Variants in TRIM9 observed in about 807,000 individuals in gnomAD.
TRIM9 encodes tripartite motif containing 9.
In TRIM9, 26 loss-of-function variants were observed where a neutral mutation model predicts 78.3. The ratio of observed to expected loss-of-function variants is 0.33; its 90% CI spans 0.24 to 0.46. The LOEUF (loss-of-function observed/expected upper bound fraction) is 0.46. TRIM9 is among the 20% of genes least tolerant of loss of function. The probability of loss-of-function intolerance (pLI) is 1.00; values close to 1 mark genes in which losing one functional copy is unlikely to be tolerated. For synonymous variants in TRIM9, 398 were observed against 416.5 expected (o/e 0.96, Z 0.54); for missense variants, 787 against 1,036.4 (o/e 0.76, Z 3.30).
chr14:50,977,332 G>A lies in TRIM9; in HGVS notation c.2347C>T (p.Pro783Ser), dbSNP rs753204730. Residue 783 changes from proline to serine, a missense_variant, in exon 13 of 13, where the codon CCA becomes TCA. Pro to Ser is a moderately conservative substitution (Grantham distance 74). Coordinates refer to ENST00000684578, the MANE Select transcript of TRIM9 (RefSeq NM_001387360.1). ...CTGCTGGAGTAGAAGTCGGGGACTG[G>A]GAGCCCGGTGTGCAGCGTGACCTGG... ...NVQVTLHTGL[P>S]VPDFYSSRAS... The A allele has an allele frequency of 6.4e-7, 1 of 1,552,650 alleles. No individual in the cohort carries two copies. Among genetic ancestry groups the A allele is most frequent in the South Asian group, 1.2e-5 (1 of 82,842 alleles).
At chr14:51,019,188 A>T (rs2057510462) in intron 3 of TRIM9, among the ~76,000 whole-genome samples, 1 of 152,264 alleles carries the variant, frequency 6.6e-6, no homozygotes, top group Non-Finnish European at 1.5e-5. Context: ...TGGACAGACC[A>T]AGACAAGAAA....
intron 1 of TRIM9, among the ~76,000 whole-genome samples, chr14:51,033,153 G>A (rs532457863): frequency 1.3e-5 from 2 of 152,090 alleles, no homozygotes; most frequent in Non-Finnish European, 1.5e-5. Context: ...GCAGTGGTAC[G>A]ATCTCAGCTC....
intron 1 of TRIM9, among the ~76,000 whole-genome samples, chr14:51,052,599 T>C (rs1284284164): frequency 6.6e-6 from 1 of 152,238 alleles, no homozygotes; most frequent in Non-Finnish European, 1.5e-5. Flanking sequence ...ATCTTTTCAA[T>C]GATATGAGCC....
At position 50,979,553 on chromosome 14, in the gene TRIM9, T is replaced by C. The variant is rs550320036; in HGVS notation, c.2163-4A>G. 2.1e-5 allele frequency: 34 copies of C among 1,611,796 alleles called. No individual in the cohort carries two copies. The African/African-American group carries it at 3.6e-4, about 17-fold the overall frequency. ...TTTTGTGATCCCTCCCTCAGTTCTG[T>C]AGGAAAAGAGAAAAATTGGGGTTCA... is the stretch of plus-strand genomic sequence containing the variant. On this transcript the variant is annotated splice_polypyrimidine_tract_variant and splice_region_variant and intron_variant, in intron 11 of 12. Coordinates refer to ENST00000684578, the MANE Select transcript of TRIM9 (RefSeq NM_001387360.1).
At chr14:50,979,231 G>A (rs1366698810) in intron 12 of TRIM9, 156 bp downstream of exon 12, 3 of 1,487,628 alleles carry the variant, frequency 2.0e-6, no homozygotes, top group Non-Finnish European at 2.7e-6. Context: ...AAAATAAGTT[G>A]CCAGTGCTGA....
At chr14:51,074,677 GACAAGGGTAATT>G (rs2062597666) in intron 1 of TRIM9, among the ~76,000 whole-genome samples, 1 of 152,172 alleles carries the variant, frequency 6.6e-6, no homozygotes, top group Non-Finnish European at 1.5e-5. Context: ...GTGGCCTATA[GACAAGGGTAATT>G]ACAGATCCAC....
intron 1 of TRIM9, among the ~76,000 whole-genome samples, chr14:51,073,079 T>C (rs2062439818): frequency 6.6e-6 from 1 of 152,080 alleles, no homozygotes; most frequent in Non-Finnish European, 1.5e-5. Flanking sequence ...CCAGAAAATA[T>C]AAACACATGC....
intron 5 of TRIM9, among the ~76,000 whole-genome samples, chr14:51,001,622 C>A (rs1210646932): frequency 6.6e-6 from 1 of 152,214 alleles, no homozygotes; most frequent in Non-Finnish European, 1.5e-5. Flanking sequence ...AGCTCTGAAA[C>A]CACTACATTT....
chr14:50,996,037 G>A, intron 7 of TRIM9: 1 of 944,108 alleles, frequency 1.1e-6, no homozygotes, highest in East Asian at 1.2e-4. Flanking sequence ...ATTAGAATGA[G>A]GGAGAAACAA....
chr14:51,080,436 AACACACACACACACACACACACACACAC>A (rs34062978), intron 1 of TRIM9, among the ~76,000 whole-genome samples: 1 of 143,924 alleles, frequency 6.9e-6, no homozygotes, highest in East Asian at 2.1e-4. Context: ...AGTTTTATTG[AACACACACACACACACACACACACACAC>A]ACACACACAC....
chr14:50,992,072 T>C (rs1469502795), intron 7 of TRIM9, among the ~76,000 whole-genome samples: 1 of 152,216 alleles, frequency 6.6e-6, no homozygotes, highest in Non-Finnish European at 1.5e-5. Flanking sequence ...CTTCTTTAAA[T>C]AGAGTGTTTA....
rs761319285 is a variant in TRIM9, at chr14:51,000,733, C to T, written c.1414G>A (p.Ala472Thr). 1.1e-5 allele frequency: 17 copies of T among 1,613,992 alleles called. No homozygotes were observed. Among genetic ancestry groups the T allele is most frequent in the Middle Eastern group, 1.6e-4 (1 of 6,084 alleles). Residue 472 changes from alanine (A) to threonine (T), a missense_variant, in exon 6 of 13, where the codon GCC (alanine) becomes ACC (threonine). Physicochemically the swap from Ala to Thr is moderately conservative, Grantham distance 58 (BLOSUM62 0). Coordinates refer to ENST00000684578, the MANE Select transcript of TRIM9 (RefSeq NM_001387360.1). ...TCCAGCTCCAGAATGTATCCATCGG[C>T]GGGCACCGTGGACAGAGGTGGCTGT... ...WKQPPLSTVP[A>T]DGYILELDDG...
intron 7 of TRIM9, among the ~76,000 whole-genome samples, chr14:50,988,110 T>C (rs1465097079): frequency 6.6e-6 from 1 of 152,210 alleles, no homozygotes; most frequent in Non-Finnish European, 1.5e-5. Flanking sequence ...ACTAAAAGAT[T>C]TTTTTATTAA....
chr14:50,998,732 A>G (rs2054559192), intron 6 of TRIM9, among the ~76,000 whole-genome samples: 1 of 152,246 alleles, frequency 6.6e-6, no homozygotes, highest in Non-Finnish European at 1.5e-5. Context: ...TTTTCATCAC[A>G]GTACAGAGGG....
At chr14:50,981,743 C>A in intron 11 of TRIM9, 57 bp downstream of exon 11, 1 of 1,601,462 alleles carries the variant, frequency 6.2e-7, no homozygotes, top group South Asian at 1.1e-5. Flanking sequence ...AACTGGGGCT[C>A]TCACTCCTGA....
At position 51,044,526 on chromosome 14, in the gene TRIM9, T is replaced by G. The variant is rs377300663; in HGVS notation, c.823-19166A>C. Among the ~76,000 whole-genome samples, 128 of 152,344 alleles carry G rather than the reference T, an allele frequency of 8.4e-4. 1 individual carries two copies. In the South Asian group the frequency reaches 0.023, roughly 27 times the overall value. ...GCCATTTTGCCCTTTCCCCATTTTA[T>G]TCTTTCTGCCCTCTGAGTCATGGCC... On this transcript the variant is annotated intron_variant, in intron 1 of 12. Transcript: ENST00000684578.
intron 12 of TRIM9, chr14:50,979,042 G>C: frequency 1.5e-6 from 2 of 1,303,004 alleles, no homozygotes; most frequent in Middle Eastern, 2.9e-4. Flanking sequence ...CCTGAGCTTT[G>C]TTAAGTCATT....
intron 1 of TRIM9, among the ~76,000 whole-genome samples, chr14:51,083,283 C>G (rs1220658382): frequency 1.3e-5 from 2 of 152,088 alleles, no homozygotes; most frequent in Non-Finnish European, 2.9e-5. Flanking sequence ...GACAGGGTCT[C>G]ACTTTGTCAC....
chr14:51,094,795 T>G lies in TRIM9; in HGVS notation c.145A>C (p.Ser49Arg). 6.5e-7 allele frequency: 1 copy of G among 1,535,940 alleles called. No homozygotes were observed. Among genetic ancestry groups the G allele is most frequent in the East Asian group, 2.3e-5 (1 of 44,314 alleles). ...ACCCCGGAGCCCGCGGCCCGATGGCTCTGGGGGGATTCAGACTCTGGGGTC... is the reference window on the plus strand; with the variant it reads ...ACCCCGGAGCCCGCGGCCCGATGGCGCTGGGGGGATTCAGACTCTGGGGTC... ...VQTPESESPQ[S>R]HRAAGSGVSD... Residue 49 changes from serine to arginine, a missense_variant, in exon 1 of 13, where the codon AGC (serine) becomes CGC (arginine). Physicochemically the swap from Ser to Arg is moderately radical, Grantham distance 110 (BLOSUM62 -1). Transcript: ENST00000684578.
Sources: allele counts gnomAD v4.1 joint callset (sites outside exome capture counted in the v4.1 genomes callset), GRCh38; gene constraint gnomAD v4.1.1; transcripts MANE v1.5; gene names NCBI Gene and HGNC (gene_info 2026-07-23, HGNC 2026-07-21).